Variants in STPG4 observed in about 807,000 individuals in gnomAD.
The protein encoded by STPG4 is protein STPG4.
Under a neutral mutation model 31.5 loss-of-function variants are expected in STPG4, and 41 were observed. The ratio of observed to expected loss-of-function variants is 1.30; its 90% CI spans 1.01 to 1.69. The LOEUF is 1.69. Among genes scored for constraint, STPG4 ranks in the 40% most tolerant of loss-of-function variants. STPG4 has a pLI of 0.00. For synonymous variants in STPG4, 141 were observed against 103.0 expected, an observed-to-expected ratio of 1.37 and a Z score of -2.24; for missense variants, 375 against 293.4, an observed-to-expected ratio of 1.28 and a Z score of -2.03.
chr2:47,124,255 G>C (rs1426575580), intron 5 of STPG4, among the ~76,000 whole-genome samples: 1 of 152,096 alleles, frequency 6.6e-6, no homozygotes, highest in African/African-American at 2.4e-5. Flanking sequence ...AAAGTGCTGG[G>C]ATTACAGGTG....
At chr2:47,149,462 C>T (rs1037319900) in intron 3 of STPG4, among the ~76,000 whole-genome samples, 1 of 152,174 alleles carries the variant, frequency 6.6e-6, no homozygotes, top group African/African-American at 2.4e-5. Context: ...TATCTGGTAG[C>T]AAGCCATAAA....
chr2:47,138,825 G>A (rs370091079), intron 3 of STPG4, among the ~76,000 whole-genome samples: 1 of 152,142 alleles, frequency 6.6e-6, no homozygotes, highest in African/African-American at 2.4e-5. Context: ...TGGGATTACA[G>A]GCATGAGCCA....
Position 47,090,157 on chromosome 2 carries a change from C to G in STPG4, c.624+113G>C, listed in dbSNP as rs563824597. The stretch of plus-strand genomic sequence containing the variant: ...TCTACCAGAACTGTACACACATGAT[C>G]ATTCCCCCATCTCACCACCACCCCG... On this transcript the variant is annotated intron_variant, in intron 6 of 6. Coordinates refer to ENST00000445927, the MANE Select transcript of STPG4 (RefSeq NM_001163561.2). 90 of 693,008 alleles carry G rather than the reference C, an allele frequency of 1.3e-4. No homozygotes were observed. In the South Asian group the frequency reaches 1.5e-3, roughly 12 times the overall value. The allele number at this position is 693,008 out of a possible 1,614,324, so 42.9% of individuals were successfully genotyped here. A position where few individuals can be genotyped will look rare whatever the true frequency, so the allele number is the denominator to read the frequency against.
At position 47,119,058 on chromosome 2, in the gene STPG4, A is replaced by T. The variant is rs565406156; in HGVS notation, c.519+10883T>A. Among the ~76,000 whole-genome samples the T allele has an allele frequency of 3.3e-5, 5 of 152,368 alleles. No individual in the cohort carries two copies. The South Asian group carries it at 6.2e-4, about 19-fold the overall frequency. On this transcript the variant is annotated intron_variant, in intron 5 of 6. Transcript: ENST00000445927. ...AGCATTTATCACACGAAGGTTTGAGACATTGTTCTCTCAGCAAACATTGCT... is the reference window on the plus strand; with the variant it reads ...AGCATTTATCACACGAAGGTTTGAGTCATTGTTCTCTCAGCAAACATTGCT...
At chr2:47,117,375 A>C (rs1686174290) in intron 5 of STPG4, among the ~76,000 whole-genome samples, 1 of 152,066 alleles carries the variant, frequency 6.6e-6, no homozygotes, top group Non-Finnish European at 1.5e-5. Context: ...ACACCTGGCT[A>C]ATTTTGTAAT....
At chr2:47,133,035 A>T (rs1423747693) in intron 3 of STPG4, among the ~76,000 whole-genome samples, 1 of 152,084 alleles carries the variant, frequency 6.6e-6, no homozygotes, top group Non-Finnish European at 1.5e-5. Flanking sequence ...TTTTTTTCAT[A>T]AAGTGTTGAA....
intron 3 of STPG4, among the ~76,000 whole-genome samples, chr2:47,146,564 G>GAAAAA (rs34954854): frequency 7.3e-6 from 1 of 137,508 alleles, no homozygotes; most frequent in Admixed American, 7.3e-5. Flanking sequence ...CATCTCTACT[G>GAAAAA]AAAAAAAAAA....
At chr2:47,099,934 G>A (rs375150869) in intron 5 of STPG4, among the ~76,000 whole-genome samples, 7 of 152,148 alleles carry the variant, frequency 4.6e-5, no homozygotes, top group African/African-American at 1.7e-4. Flanking sequence ...CCAGTGCTGT[G>A]CTCAGTTTCT....
chr2:47,132,982 G>A (rs896532419), intron 3 of STPG4, among the ~76,000 whole-genome samples: 3 of 151,942 alleles, frequency 2.0e-5, no homozygotes, highest in Non-Finnish European at 4.4e-5. Context: ...ACTATACTTG[G>A]CATTTACCAT....
chr2:47,097,886 C>T (rs932906656), intron 5 of STPG4, among the ~76,000 whole-genome samples: 1 of 149,958 alleles, frequency 6.7e-6, no homozygotes, highest in African/African-American at 2.5e-5. Flanking sequence ...TGGAGGCCCA[C>T]GTGGGTAGAT....
At chr2:47,130,817 AT>A (rs928508864) in intron 3 of STPG4, among the ~76,000 whole-genome samples, 64 of 150,630 alleles carry the variant, frequency 4.2e-4, no homozygotes, top group African/African-American at 1.5e-3. Flanking sequence ...GCCCAGCCAC[AT>A]TTTTTTTTCT....
intron 5 of STPG4, among the ~76,000 whole-genome samples, chr2:47,109,402 C>G (rs113181454): frequency 6.6e-6 from 1 of 151,940 alleles, no homozygotes; most frequent in African/African-American, 2.4e-5. Context: ...ACTAAAAATA[C>G]AAAAATTAGC....
At chr2:47,105,460 C>T (rs970005517) in intron 5 of STPG4, among the ~76,000 whole-genome samples, 1 of 152,072 alleles carries the variant, frequency 6.6e-6, no homozygotes, top group South Asian at 2.1e-4. Context: ...CCTTGAGGGA[C>T]TGGTGCTTCA....
Position 47,089,535 on chromosome 2 carries a change from A to G in STPG4, c.624+735T>C, listed in dbSNP as rs553693416. The stretch of plus-strand genomic sequence containing the variant: ...CCATTTTCTTACAGGCAGAATTTGT[A>G]TTTCTGTTTCCCCAGCCATCTCAAA... On this transcript the variant is annotated intron_variant, in intron 6 of 6. Transcript: ENST00000445927. 7.9e-5 allele frequency among the ~76,000 whole-genome samples: 12 copies of G among 152,064 alleles called. No individual in the cohort carries two copies. The South Asian group carries it at 1.9e-3, about 24-fold the overall frequency.
intron 5 of STPG4, among the ~76,000 whole-genome samples, chr2:47,107,758 CGTGGAGAACCTTTA>C (rs1434545039): frequency 6.6e-6 from 1 of 152,146 alleles, no homozygotes; most frequent in Non-Finnish European, 1.5e-5. Flanking sequence ...CTGGTGGGGA[CGTGGAGAACCTTTA>C]TGTCTAGCTC....
chr2:47,140,921 G>GT (rs1399369714), intron 3 of STPG4, among the ~76,000 whole-genome samples: 1 of 151,534 alleles, frequency 6.6e-6, no homozygotes, highest in Non-Finnish European at 1.5e-5. Flanking sequence ...TTAAGACAGG[G>GT]TCTCACTCTA....
chr2:47,111,820 A>C (rs927674258), intron 5 of STPG4, among the ~76,000 whole-genome samples: 1 of 152,242 alleles, frequency 6.6e-6, no homozygotes, highest in African/African-American at 2.4e-5. Context: ...TTTCGAAAAT[A>C]ACGTAAATAG....
chr2:47,111,860 T>C (rs1345236126), intron 5 of STPG4, among the ~76,000 whole-genome samples: 1 of 152,238 alleles, frequency 6.6e-6, no homozygotes, highest in Non-Finnish European at 1.5e-5. Context: ...ACATTGGTAA[T>C]GTGAAGATTA....
intron 6 of STPG4, among the ~76,000 whole-genome samples, chr2:47,088,402 C>G (rs185652637): frequency 1.7e-3 from 255 of 152,328 alleles, no homozygotes; most frequent in African/African-American, 6.0e-3. Flanking sequence ...ATTTGAGACA[C>G]CAGTGTAATG....
Sources: allele counts gnomAD v4.1 joint callset (sites outside exome capture counted in the v4.1 genomes callset), GRCh38; gene constraint gnomAD v4.1.1; transcripts MANE v1.5; gene names NCBI Gene and HGNC (gene_info 2026-07-23, HGNC 2026-07-21).